TAFA1: variants seen among roughly 807,000 people sequenced by gnomAD.
The protein encoded by TAFA1 is TAFA chemokine like family member 1, also known as chemokine-like protein TAFA-1.
A neutral mutation model predicts 18.5 loss-of-function variants in TAFA1; 4 were observed. The ratio of observed to expected loss-of-function variants is 0.22; its 90% CI spans 0.11 to 0.49. TAFA1 has a LOEUF of 0.49. TAFA1 is among the 20% of genes least tolerant of loss of function. The probability of loss-of-function intolerance (pLI) is 0.98; values close to 1 mark genes in which losing one functional copy is unlikely to be tolerated. For missense variants in TAFA1, 147 were observed against 169.0 expected (o/e 0.87, Z 0.72); for synonymous variants, 56 against 55.2 (o/e 1.01, Z -0.06).
intron 2 of TAFA1, among the ~76,000 whole-genome samples, chr3:68,399,023 TAATC>T (rs1297621676): frequency 3.3e-5 from 5 of 152,094 alleles, no homozygotes; most frequent in Admixed American, 1.3e-4. Flanking sequence ...AAATGACAAT[TAATC>T]AATATTTTTT....
chr3:68,397,845 T>C (rs1016919085), intron 2 of TAFA1, among the ~76,000 whole-genome samples: 1 of 152,216 alleles, frequency 6.6e-6, no homozygotes, highest in Non-Finnish European at 1.5e-5. Context: ...GATGATAATT[T>C]ATTTTGCTGT....
chr3:68,231,669 G>C (rs2066874162), intron 2 of TAFA1, among the ~76,000 whole-genome samples: 1 of 152,060 alleles, frequency 6.6e-6, no homozygotes, highest in African/African-American at 2.4e-5. Context: ...CAATCTATTT[G>C]ATTTTTGCTA....
intron 2 of TAFA1, among the ~76,000 whole-genome samples, chr3:68,152,547 T>A (rs548033722): frequency 1.1e-4 from 17 of 152,216 alleles, no homozygotes; most frequent in Non-Finnish European, 2.1e-4. Flanking sequence ...TCCCATGATA[T>A]GAAGACTTGA....
chr3:68,148,656 C>T (rs559986414), intron 2 of TAFA1, among the ~76,000 whole-genome samples: 1 of 152,252 alleles, frequency 6.6e-6, no homozygotes, highest in African/African-American at 2.4e-5. Context: ...GCCTTCCTCC[C>T]AACTCCGGCA....
chr3:68,310,446 AT>A (rs1354221783), intron 2 of TAFA1, among the ~76,000 whole-genome samples: 1 of 152,192 alleles, frequency 6.6e-6, no homozygotes, highest in Non-Finnish European at 1.5e-5. Context: ...AAAACTATGT[AT>A]AAGTTTTAGT....
chr3:68,261,263 A>C (rs368444628), intron 2 of TAFA1, among the ~76,000 whole-genome samples: 12 of 152,122 alleles, frequency 7.9e-5, no homozygotes, highest in East Asian at 3.9e-4. Context: ...AGTCAGGAAA[A>C]AACAGGTGCT....
chr3:68,127,506 G>A (rs2065477783), intron 2 of TAFA1, among the ~76,000 whole-genome samples: 1 of 148,150 alleles, frequency 6.7e-6, no homozygotes, highest in Admixed American at 6.8e-5. Context: ...TTTGGCTAAT[G>A]GGTTTGGGTG....
At position 68,545,315 on chromosome 3, in the gene TAFA1, A is replaced by G. The variant is rs543807327; in HGVS notation, c.*812A>G. On this transcript the variant is annotated 3_prime_UTR_variant, in exon 5 of 5. Coordinates refer to ENST00000478136, the MANE Select transcript of TAFA1 (RefSeq NM_213609.4). ...ATGCTATTAAGACTCTGGCAGAGTTATGGGTAGGATATGGATCCCTACATG... is the reference window on the plus strand; with the variant it reads ...ATGCTATTAAGACTCTGGCAGAGTTGTGGGTAGGATATGGATCCCTACATG... 1 of 152,714 alleles carries G rather than the reference A, an allele frequency of 6.5e-6. No individual in the cohort carries two copies. The highest frequency in any genetic ancestry group is 1.5e-5 in the Non-Finnish European group (1 of 68,016). 9.5% of individuals were successfully genotyped at this position (152,714 alleles called of 1,614,324 possible). A position where few individuals can be genotyped will look rare whatever the true frequency, so the allele number is the denominator to read the frequency against.
chr3:68,314,998 A>T (rs2068584360), intron 2 of TAFA1, among the ~76,000 whole-genome samples: 1 of 151,514 alleles, frequency 6.6e-6, no homozygotes, highest in Non-Finnish European at 1.5e-5. Context: ...AAAATCATCA[A>T]CTAGACACAA....
At chr3:68,426,046 A>AT (rs5849830) in intron 3 of TAFA1, among the ~76,000 whole-genome samples, 121,387 of 151,550 alleles carry the variant, frequency 0.8, 49,028 homozygotes, top group African/African-American at 0.91. Context: ...TGAATGAATT[A>AT]TTTTTTCTAA....
intron 2 of TAFA1, among the ~76,000 whole-genome samples, chr3:68,138,636 G>A (rs945096904): frequency 6.6e-6 from 1 of 152,150 alleles, no homozygotes; most frequent in African/African-American, 2.4e-5. Context: ...TGAGCTGATG[G>A]AACATGAGAC....
At position 68,014,942 on chromosome 3, in the gene TAFA1, C is replaced by T. The variant is rs562163068; in HGVS notation, c.118+8198C>T. The stretch of plus-strand genomic sequence containing the variant: ...CTGATGGCTCTATCCTACCTGCAGG[C>T]TGTCAGTGCATAACCTCAGACAAGA... On this transcript the variant is annotated intron_variant, in intron 2 of 4. Coordinates refer to ENST00000478136, the MANE Select transcript of TAFA1 (RefSeq NM_213609.4). 3.9e-5 allele frequency among the ~76,000 whole-genome samples: 6 copies of T among 152,260 alleles called. No individual in the cohort carries two copies. In the South Asian group the frequency reaches 1.0e-3, roughly 26 times the overall value.
chr3:68,368,177 C>T (rs2069608452), intron 2 of TAFA1, among the ~76,000 whole-genome samples: 1 of 152,108 alleles, frequency 6.6e-6, no homozygotes, highest in Admixed American at 6.6e-5. Flanking sequence ...CCTGAAGTAA[C>T]AGACAACTTG....
intron 2 of TAFA1, among the ~76,000 whole-genome samples, chr3:68,331,432 T>C (rs2068867728): frequency 6.6e-6 from 1 of 152,352 alleles, no homozygotes; most frequent in Non-Finnish European, 1.5e-5. Flanking sequence ...ATGAATTTTA[T>C]ATTGTATAGT....
At chr3:68,405,699 CAAAAAA>C (rs56258198) in intron 2 of TAFA1, among the ~76,000 whole-genome samples, 355 of 32,840 alleles carry the variant, frequency 0.011, 24 homozygotes, top group Non-Finnish European at 0.019. Flanking sequence ...GACTCTATCT[CAAAAAA>C]AAAAAAAAAA....
chr3:68,421,361 A>G (rs927421217), intron 3 of TAFA1, among the ~76,000 whole-genome samples: 8 of 152,126 alleles, frequency 5.3e-5, no homozygotes, highest in Admixed American at 2.0e-4. Flanking sequence ...AAATCCTTCA[A>G]TCCATTGGCA....
In TAFA1 at chr3:68,507,149, G is replaced by T. The variant is rs866466473; in HGVS notation, c.260-31607G>T. Among the ~76,000 whole-genome samples the T allele has an allele frequency of 4.6e-5, 7 of 152,148 alleles. No homozygotes were observed. The South Asian group carries it at 1.4e-3, about 32-fold the overall frequency. On this transcript the variant is annotated intron_variant, in intron 3 of 4. Transcript: ENST00000478136. Reference sequence around the variant, plus strand: ...AACACCATGCCTTAGGCAGCCACTAGCAATGGCTGGATTAGAACTTGAATT... The same window carrying T: ...AACACCATGCCTTAGGCAGCCACTATCAATGGCTGGATTAGAACTTGAATT...
intron 2 of TAFA1, among the ~76,000 whole-genome samples, chr3:68,302,834 A>G (rs2068330435): frequency 6.6e-6 from 1 of 152,182 alleles, no homozygotes; most frequent in African/African-American, 2.4e-5. Flanking sequence ...TTATGCATTG[A>G]TAAAATGGGG....
At chr3:68,145,449 T>G in intron 2 of TAFA1, 1 of 870,616 alleles carries the variant, frequency 1.1e-6, no homozygotes, top group Non-Finnish European at 2.0e-6. Flanking sequence ...AAAGGCTTAT[T>G]AGAACAAGGA....
Sources: allele counts gnomAD v4.1 joint callset (sites outside exome capture counted in the v4.1 genomes callset), GRCh38; gene constraint gnomAD v4.1.1; transcripts MANE v1.5; gene names NCBI Gene and HGNC (gene_info 2026-07-23, HGNC 2026-07-21).